Variants in PDZRN4 observed in about 807,000 individuals in gnomAD.
The protein encoded by PDZRN4 is PDZ domain containing ring finger 4, also known as PDZ domain-containing RING finger protein 4.
In PDZRN4, 70 loss-of-function variants were observed where a neutral mutation model predicts 99.0. The ratio of observed to expected loss-of-function variants is 0.71; its 90% confidence interval spans 0.58 to 0.86. PDZRN4 has a LOEUF of 0.86. PDZRN4 is among the 40% of genes least tolerant of loss of function. The pLI, the probability that PDZRN4 is intolerant of heterozygous loss-of-function variation, is 0.00. For synonymous variants in PDZRN4, 551 were observed against 501.6 expected, an observed-to-expected ratio of 1.10 and a Z score of -1.32; for missense variants, 1,474 against 1,331.2, an observed-to-expected ratio of 1.11 and a Z score of -1.67.
chr12:41,448,380 G>C (rs1952747229), intron 3 of PDZRN4, among the ~76,000 whole-genome samples: 1 of 152,062 alleles, frequency 6.6e-6, no homozygotes, highest in Admixed American at 6.6e-5. Context: ...AATACCTTAT[G>C]GCTCAATCCA....
chr12:41,572,281 A>G (rs79634941), intron 9 of PDZRN4, 83 bp from the exon 10 acceptor site: 18,228 of 1,200,546 alleles, frequency 0.015, 214 homozygotes, highest in African/African-American at 0.052. Flanking sequence ...GCCAGGAAAC[A>G]TTGGTTTTCA....
intron 3 of PDZRN4, among the ~76,000 whole-genome samples, chr12:41,267,010 T>A (rs552374885): frequency 6.6e-6 from 1 of 152,192 alleles, no homozygotes; most frequent in Non-Finnish European, 1.5e-5. Context: ...ACCATCTCAG[T>A]GCATCAAAGC....
At chr12:41,474,685 G>A (rs1953023736) in intron 3 of PDZRN4, among the ~76,000 whole-genome samples, 1 of 152,106 alleles carries the variant, frequency 6.6e-6, no homozygotes, top group African/African-American at 2.4e-5. Context: ...TACTTCAATG[G>A]GAAGTCGGGT....
At chr12:41,226,929 C>T (rs186760707) in intron 3 of PDZRN4, among the ~76,000 whole-genome samples, 1 of 152,232 alleles carries the variant, frequency 6.6e-6, no homozygotes, top group Admixed American at 6.5e-5. Context: ...CCATATTGTA[C>T]TTGCTGTTTT....
chr12:41,302,316 A>G (rs1309963306), intron 3 of PDZRN4, among the ~76,000 whole-genome samples: 1 of 152,078 alleles, frequency 6.6e-6, no homozygotes, highest in Non-Finnish European at 1.5e-5. Flanking sequence ...CACAATCACC[A>G]CTTGTTAAAA....
At chr12:41,561,142 C>T (rs1939262705) in intron 7 of PDZRN4, among the ~76,000 whole-genome samples, 1 of 151,976 alleles carries the variant, frequency 6.6e-6, no homozygotes, top group Non-Finnish European at 1.5e-5. Flanking sequence ...GGCAAAAAAC[C>T]CCATTGTTTC....
intron 3 of PDZRN4, among the ~76,000 whole-genome samples, chr12:41,372,424 A>G (rs1335515678): frequency 6.6e-6 from 1 of 152,196 alleles, no homozygotes; most frequent in Admixed American, 6.5e-5. Context: ...AGACTGGGTG[A>G]TAAATGTTGC....
chr12:41,499,541 A>G (rs1167435540), intron 3 of PDZRN4, among the ~76,000 whole-genome samples: 1 of 152,112 alleles, frequency 6.6e-6, no homozygotes, highest in Non-Finnish European at 1.5e-5. Flanking sequence ...GAGAAGTGTG[A>G]CAGTGGGAAC....
At chr12:41,422,675 A>T (rs10785267) in intron 3 of PDZRN4, among the ~76,000 whole-genome samples, 2 of 151,484 alleles carry the variant, frequency 1.3e-5, no homozygotes, top group African/African-American at 4.9e-5. Flanking sequence ...TCAGAACAGC[A>T]TGGGGGAAAC....
At chr12:41,535,752 G>T (rs906841605) in intron 5 of PDZRN4, among the ~76,000 whole-genome samples, 42 of 152,078 alleles carry the variant, frequency 2.8e-4, no homozygotes, top group African/African-American at 1.0e-3. Context: ...CTTTTTCTCT[G>T]TCTCTCTTTT....
intron 3 of PDZRN4, among the ~76,000 whole-genome samples, chr12:41,491,218 C>A (rs1354402002): frequency 6.6e-6 from 1 of 152,046 alleles, no homozygotes; most frequent in Non-Finnish European, 1.5e-5. Context: ...AAAATTGGGA[C>A]AAATAAGGTA....
chr12:41,314,040 C>T (rs367544077), intron 3 of PDZRN4, among the ~76,000 whole-genome samples: 2 of 152,190 alleles, frequency 1.3e-5, no homozygotes, highest in African/African-American at 2.4e-5. Context: ...CCACCTATTA[C>T]ATCTTGCCTT....
chr12:41,411,088 A>G (rs1952396170), intron 3 of PDZRN4, among the ~76,000 whole-genome samples: 1 of 150,150 alleles, frequency 6.7e-6, no homozygotes, highest in South Asian at 2.1e-4. Context: ...ATTTGTAAAG[A>G]TAGTGTCCCA....
intron 3 of PDZRN4, among the ~76,000 whole-genome samples, chr12:41,496,607 C>G (rs536501292): frequency 6.6e-6 from 1 of 152,136 alleles, no homozygotes; most frequent in South Asian, 2.1e-4. Flanking sequence ...CCTTTGCTTG[C>G]CACTCAGAAA....
rs1951209883 is a variant in PDZRN4 at position 41,257,268 on chromosome 12, G to A, written c.843+63080G>A. Among the ~76,000 whole-genome samples, 4 of 152,204 alleles carry A rather than the reference G, an allele frequency of 2.6e-5. No homozygotes were observed. In the South Asian group the frequency reaches 8.3e-4, roughly 31 times the overall value. ...TGGTACTAGCAGGTTAGATTCAGGT[G>A]ATGGTCCTCTTCCAGGTTGCAGATT... On this transcript the variant is annotated intron_variant, in intron 3 of 9. Coordinates refer to ENST00000402685, the MANE Select transcript of PDZRN4 (RefSeq NM_001164595.2).
chr12:41,361,823 T>TA (rs1951965362), intron 3 of PDZRN4, among the ~76,000 whole-genome samples: 1 of 152,022 alleles, frequency 6.6e-6, no homozygotes, highest in South Asian at 2.1e-4. Context: ...TTTCTTCTGT[T>TA]ACTGTGGAAA....
At chr12:41,374,251 CA>C (rs1028528755) in intron 3 of PDZRN4, among the ~76,000 whole-genome samples, 10 of 151,980 alleles carry the variant, frequency 6.6e-5, no homozygotes, top group Non-Finnish European at 1.0e-4. Context: ...ATGATGTGAT[CA>C]AAAAATGGCA....
At chr12:41,265,023 T>C (rs867604781) in intron 3 of PDZRN4, among the ~76,000 whole-genome samples, 1 of 152,264 alleles carries the variant, frequency 6.6e-6, no homozygotes, top group East Asian at 1.9e-4. Context: ...ACGGGTTCAA[T>C]TGAAGCCCAG....
intron 3 of PDZRN4, among the ~76,000 whole-genome samples, chr12:41,314,517 G>A (rs1003138823): frequency 7.2e-5 from 11 of 152,304 alleles, no homozygotes; most frequent in Non-Finnish European, 1.6e-4. Flanking sequence ...TTATGGAGGA[G>A]CCTGGAGCCT....
Sources: allele counts gnomAD v4.1 joint callset (sites outside exome capture counted in the v4.1 genomes callset), GRCh38; gene constraint gnomAD v4.1.1; transcripts MANE v1.5; gene names NCBI Gene and HGNC (gene_info 2026-07-23, HGNC 2026-07-21).